The following ADGRF5 variants were observed in gnomAD, a reference collection of about 807,000 sequenced individuals.
ADGRF5 encodes the protein adhesion G protein-coupled receptor F5.
ADGRF5 carries 75 observed loss-of-function variants against 132.3 expected under a neutral mutation model. The observed-to-expected ratio is 0.57, with a 90% CI of 0.47 to 0.69. The LOEUF is 0.69. ADGRF5 is among the 30% of genes least tolerant of loss of function. The probability of loss-of-function intolerance (pLI) is 0.00; values close to 1 mark genes in which losing one functional copy is unlikely to be tolerated. For missense variants in ADGRF5, 1,516 were observed against 1,630.6 expected (o/e 0.93, Z 1.21); for synonymous variants, 629 against 597.6 (o/e 1.05, Z -0.77).
chr6:46,925,675 T>C (rs1222032401), upstream of ADGRF5, among the ~76,000 whole-genome samples: 1 of 152,228 alleles, frequency 6.6e-6, no homozygotes. Context: ...GAGAATTGCT[T>C]GAACCTGAGA....
At chr6:46,905,693 A>C (rs1775280461) in intron 2 of ADGRF5, among the ~76,000 whole-genome samples, 1 of 152,196 alleles carries the variant, frequency 6.6e-6, no homozygotes, top group Non-Finnish European at 1.5e-5. Context: ...AAAGTAGGAC[A>C]AAGAAGGGCA....
chr6:46,864,336 C>A lies in ADGRF5; in HGVS notation c.1990+706G>T, dbSNP rs11966162. Among the ~76,000 whole-genome samples the A allele has an allele frequency of 9.9e-3, 1,510 of 152,146 alleles. 16 individuals are homozygous for A. Among genetic ancestry groups the A allele is most frequent in the Non-Finnish European group, 0.017 (1,175 of 67,994 alleles). On this transcript the variant is annotated intron_variant, in intron 14 of 20. Coordinates refer to ENST00000283296, the MANE Select transcript of ADGRF5 (RefSeq NM_001098518.2). Reference sequence around the variant, plus strand: ...GATGGGAAAGGCAGCTGCCTATTCTCGAGATTAATTGTTTTCATGTAGCCT... The same window carrying A: ...GATGGGAAAGGCAGCTGCCTATTCTAGAGATTAATTGTTTTCATGTAGCCT...
At position 46,918,330 on chromosome 6, in the gene ADGRF5, A is replaced by G. The variant is rs553672600; in HGVS notation, c.-25+3383T>C. ...GTAGTCCTCTCTATCAAGGAGACAA[A>G]CATTGCACTGACGAGAGATACTAAC... On this transcript the variant is annotated intron_variant, in intron 1 of 20. Coordinates refer to ENST00000283296, the MANE Select transcript of ADGRF5 (RefSeq NM_001098518.2). Among the ~76,000 whole-genome samples, 16 of 152,340 alleles carry G rather than the reference A, an allele frequency of 1.1e-4. No individual in the cohort carries two copies. In the East Asian group the frequency reaches 2.9e-3, roughly 28 times the overall value.
intron 1 of ADGRF5, among the ~76,000 whole-genome samples, chr6:46,942,706 C>T (rs1022370272): frequency 3.3e-5 from 5 of 152,218 alleles, no homozygotes; most frequent in Admixed American, 1.3e-4. Context: ...CATAGTCTCT[C>T]TATTTCTCTT....
At chr6:46,861,705 CA>C (rs1440425782) in intron 15 of ADGRF5, among the ~76,000 whole-genome samples, 1 of 152,152 alleles carries the variant, frequency 6.6e-6, no homozygotes, top group African/African-American at 2.4e-5. Flanking sequence ...TAACATAGTA[CA>C]AGTCATATAA....
At chr6:46,864,493 T>A (rs1770156952) in intron 14 of ADGRF5, among the ~76,000 whole-genome samples, 1 of 151,986 alleles carries the variant, frequency 6.6e-6, no homozygotes, top group Non-Finnish European at 1.5e-5. Flanking sequence ...CCCACAACAT[T>A]TCTATTTAGC....
chr6:46,881,492 G>C lies in ADGRF5; in HGVS notation c.777C>G (p.Tyr259Ter). 6.2e-7 allele frequency: 1 copy of C among 1,613,338 alleles called. No homozygotes were observed. The highest frequency in any genetic ancestry group is 8.5e-7 in the Non-Finnish European group (1 of 1,179,256). The change falls in exon 8 of 21, where the codon TAC becomes TAG. Residue 259 changes from tyrosine (Y) to a stop codon, truncating the protein, a stop_gained. Coordinates refer to ENST00000283296, the MANE Select transcript of ADGRF5 (RefSeq NM_001098518.2). LOFTEE classifies it high-confidence loss of function. Reference sequence around the variant, plus strand: ...CTTGAAAGGAGTTGTAGTCCATTTTGTAGGTCTGATTGAGGCTCTGTACAA... The same window carrying C: ...CTTGAAAGGAGTTGTAGTCCATTTTCTAGGTCTGATTGAGGCTCTGTACAA... The part of the protein sequence containing the change: ...EQVVQSLNQT[Y>*]KMDYNSFQAV...
chr6:46,898,104 AC>A (rs1438066001), intron 3 of ADGRF5, among the ~76,000 whole-genome samples: 1 of 152,144 alleles, frequency 6.6e-6, no homozygotes, highest in East Asian at 1.9e-4. Flanking sequence ...ACCTGGAAAA[AC>A]TTTGGAATGT....
intron 1 of ADGRF5, among the ~76,000 whole-genome samples, chr6:46,910,007 CAATAA>C (rs3030416): frequency 2.7e-4 from 40 of 148,604 alleles, no homozygotes; most frequent in Non-Finnish European, 3.4e-4. Context: ...CCCTATCTCT[CAATAA>C]AATAAAATAA....
At chr6:46,871,803 G>C in intron 11 of ADGRF5, 40 bp downstream of exon 11, 1 of 1,408,336 alleles carries the variant, frequency 7.1e-7, no homozygotes, top group Non-Finnish European at 9.8e-7. Flanking sequence ...ATTTAAGGTG[G>C]AACCTATTTA....
chr6:46,868,764 T>C, intron 12 of ADGRF5, 119 bp downstream of exon 12: 1 of 661,972 alleles, frequency 1.5e-6, no homozygotes, highest in Non-Finnish European at 2.7e-6. Flanking sequence ...TGAAGACATA[T>C]TGAATTTAAA....
chr6:46,929,346 G>A (rs1054614675), intron 1 of ADGRF5, among the ~76,000 whole-genome samples: 2 of 151,848 alleles, frequency 1.3e-5, no homozygotes, highest in Non-Finnish European at 2.9e-5. Context: ...CTGTTGTGGG[G>A]TCGGGGGAGA....
chr6:46,912,499 C>T (rs762726537), intron 1 of ADGRF5, among the ~76,000 whole-genome samples: 2 of 151,836 alleles, frequency 1.3e-5, no homozygotes, highest in Non-Finnish European at 2.9e-5. Context: ...ACGAGGCAGA[C>T]GGGGTGAGGT....
upstream of ADGRF5, among the ~76,000 whole-genome samples, chr6:46,926,229 A>G (rs1777234607): frequency 6.6e-6 from 1 of 152,128 alleles, no homozygotes; most frequent in African/African-American, 2.4e-5. Flanking sequence ...AGACAGTGTT[A>G]TTACACCTTC....
At chr6:46,915,046 G>A (rs892504473) in intron 1 of ADGRF5, among the ~76,000 whole-genome samples, 4 of 151,684 alleles carry the variant, frequency 2.6e-5, no homozygotes, top group South Asian at 2.1e-4. Context: ...AGTAGAGATG[G>A]GGTTTCACCA....
In ADGRF5 at chr6:46,863,038, G is replaced by C. The variant is rs1769976246; in HGVS notation, c.2049C>G (p.Ile683Met). The C allele has an allele frequency of 2.5e-6, 4 of 1,614,034 alleles. No homozygotes were observed. Among genetic ancestry groups the C allele is most frequent in the African/African-American group, 2.7e-5 (2 of 75,028 alleles). The stretch of plus-strand genomic sequence containing the variant: ...CGTTTGAGAACCGGCATAGCTTCTG[G>C]ATGACTTTCCCCGGCTCTCCGACAC... ...VIGVGEPGKV[I>M]QKLCRFSNVP... The change falls in exon 15 of 21, where the codon ATC becomes ATG. Residue 683 changes from isoleucine to methionine, a missense_variant. Transcript: ENST00000283296.
chr6:46,945,408 T>G (rs1236118994), intron 1 of ADGRF5, among the ~76,000 whole-genome samples: 1 of 152,198 alleles, frequency 6.6e-6, no homozygotes, highest in Non-Finnish European at 1.5e-5. Flanking sequence ...ATAAATCACT[T>G]AAGTGACACT....
intron 1 of ADGRF5, among the ~76,000 whole-genome samples, chr6:46,939,199 A>G (rs760647719): frequency 2.6e-5 from 4 of 152,196 alleles, no homozygotes; most frequent in Non-Finnish European, 5.9e-5. Flanking sequence ...CAAAAATCCC[A>G]GGGACTCATT....
intron 4 of ADGRF5, among the ~76,000 whole-genome samples, chr6:46,885,203 AAAAAAAAAGAAAAAG>A (rs924518150): frequency 1.3e-5 from 2 of 151,744 alleles, no homozygotes; most frequent in African/African-American, 4.8e-5. Context: ...TCAAAAAAAA[AAAAAAAAAGAAAAAG>A]AAAAAGAAAG....
Sources: gnomAD v4.1 joint callset for allele counts (sites outside exome capture counted in the v4.1 genomes callset) on GRCh38, gnomAD v4.1.1 for gene constraint, MANE v1.5 for transcripts, NCBI Gene and HGNC (gene_info 2026-07-23, HGNC 2026-07-21) for gene names.